The following GRB14 variants were observed in gnomAD, a reference collection of about 807,000 sequenced individuals.
The protein encoded by GRB14 is growth factor receptor bound protein 14.
GRB14 carries 38 observed loss-of-function variants against 69.1 expected under a neutral mutation model. That is an observed-to-expected ratio of 0.55 (90% confidence interval 0.42 to 0.72). The LOEUF (loss-of-function observed/expected upper bound fraction) is 0.72, where lower values mean the gene tolerates loss of function less well. GRB14 is among the 30% of genes least tolerant of loss of function. GRB14 has a pLI of 0.00. For synonymous variants in GRB14, 247 were observed against 241.3 expected, an observed-to-expected ratio of 1.02 and a Z score of -0.22; for missense variants, 666 against 666.1, an observed-to-expected ratio of 1.00 and a Z score of 0.00.
At chr2:164,534,818 T>C (rs956773313) in intron 3 of GRB14, among the ~76,000 whole-genome samples, 1 of 152,184 alleles carries the variant, frequency 6.6e-6, no homozygotes, top group African/African-American at 2.4e-5. Context: ...CAGGTACTTT[T>C]TGAATTACCA....
Position 164,547,795 on chromosome 2 carries a change from C to T in GRB14, c.346G>A (p.Asp116Asn), listed in dbSNP as rs777063188. Reference protein sequence around the residue: ...KKQVIKVYSEDETSRALDVPS... With the variant: ...KKQVIKVYSENETSRALDVPS... ...ACATCTAAAGCCCTGCTGGTTTCAT[C>T]TTCACTGTATACTTTAATCACCTGT... The change falls in exon 3 of 14, where the codon GAT becomes AAT. Residue 116 changes from aspartate to asparagine, a missense_variant. Transcript: ENST00000263915. 4 of 1,613,150 alleles carry T rather than the reference C, an allele frequency of 2.5e-6. No homozygotes were observed. In the South Asian group the frequency reaches 4.4e-5, roughly 18 times the overall value.
chr2:164,608,237 C>T (rs548799318), intron 2 of GRB14, among the ~76,000 whole-genome samples: 11 of 151,814 alleles, frequency 7.2e-5, no homozygotes, highest in Admixed American at 3.9e-4. Context: ...CCAGGTGTGG[C>T]GGCGAGTGCC....
chr2:164,596,970 T>C lies in GRB14; in HGVS notation c.324+22717A>G, dbSNP rs183605403. Among the ~76,000 whole-genome samples, 86 of 152,338 alleles carry C rather than the reference T, an allele frequency of 5.6e-4. 1 individual carries two copies. The East Asian group carries it at 0.016, about 28-fold the overall frequency. On this transcript the variant is annotated intron_variant, in intron 2 of 13. Coordinates refer to ENST00000263915, the MANE Select transcript of GRB14 (RefSeq NM_004490.3). ...CTTGAAATAATCTACAAAACCTTCATTTATTTAATCTAACTCTAAGGAACG... is the reference window on the plus strand; with the variant it reads ...CTTGAAATAATCTACAAAACCTTCACTTATTTAATCTAACTCTAAGGAACG...
At chr2:164,616,470 C>CTCAT (rs1690300673) in intron 2 of GRB14, among the ~76,000 whole-genome samples, 1 of 147,682 alleles carries the variant, frequency 6.8e-6, no homozygotes, top group Admixed American at 6.8e-5. Flanking sequence ...TTCTCTCTCA[C>CTCAT]TCTAGCTTTC....
rs569797579 is a variant in GRB14, at chr2:164,494,763, ATTGT to A, written c.1383-243_1383-240del. 3.1e-3 allele frequency among the ~76,000 whole-genome samples: 471 copies of A among 152,292 alleles called. 3 individuals carry two copies. Among genetic ancestry groups the A allele is most frequent in the African/African-American group, 0.01 (426 of 41,554 alleles). On this transcript the variant is annotated intron_variant, in intron 12 of 13. Coordinates refer to ENST00000263915, the MANE Select transcript of GRB14 (RefSeq NM_004490.3). ...GCTAAATACACAACCCATTAGTCAG[ATTGT>A]TTGTTTGATCACAATAAACAATACA...
chr2:164,555,513 G>A (rs1040126127), intron 2 of GRB14, among the ~76,000 whole-genome samples: 1 of 151,926 alleles, frequency 6.6e-6, no homozygotes, highest in Non-Finnish European at 1.5e-5. Flanking sequence ...TTTGGGCATA[G>A]TTATCTATGG....
chr2:164,615,011 C>CA (rs1188601433), intron 2 of GRB14, among the ~76,000 whole-genome samples: 7 of 151,748 alleles, frequency 4.6e-5, no homozygotes, highest in Non-Finnish European at 1.0e-4. Context: ...CTGAGACATA[C>CA]AAAAAAAGGC....
chr2:164,524,951 A>G lies in GRB14; in HGVS notation c.678+53T>C, dbSNP rs572560786. 1.7e-5 allele frequency: 17 copies of G among 982,700 alleles called. No individual in the cohort carries two copies. In the East Asian group the frequency reaches 4.5e-4, roughly 26 times the overall value. 60.9% of individuals were successfully genotyped at this position (982,700 alleles called of 1,614,324 possible). Reference sequence around the variant, plus strand: ...GGGCATGTATAAAAAAGGACTTAAAAGTTTTCCTTCATTATGCTATTATTT... The same window carrying G: ...GGGCATGTATAAAAAAGGACTTAAAGGTTTTCCTTCATTATGCTATTATTT... On this transcript the variant is annotated intron_variant, in intron 5 of 13. Transcript: ENST00000263915.
chr2:164,575,269 T>A (rs554021973), intron 2 of GRB14, among the ~76,000 whole-genome samples: 1 of 152,328 alleles, frequency 6.6e-6, no homozygotes, highest in South Asian at 2.1e-4. Flanking sequence ...ATTTTGAACA[T>A]ATTACAAATA....
At chr2:164,503,233 G>T (rs1354864506) in intron 8 of GRB14, among the ~76,000 whole-genome samples, 3 of 147,014 alleles carry the variant, frequency 2.0e-5, no homozygotes, top group African/African-American at 7.5e-5. Context: ...TTTTCCCCTA[G>T]ATTCTGCAAT....
chr2:164,522,061 T>C lies in GRB14; in HGVS notation c.735A>G (p.Glu245=). ...PEIHGFLHAK[E]QGKKSWKKIY... ...TTTTTTTCCAAGACTTCTTTCCCTG[T>C]TCTTTCGCATGTAAGAAACCATGAA... The change falls in exon 6 of 14, where the codon GAA becomes GAG. Residue 245 remains glutamate, a synonymous_variant. Coordinates refer to ENST00000263915, the MANE Select transcript of GRB14 (RefSeq NM_004490.3). 6.2e-7 allele frequency: 1 copy of C among 1,603,900 alleles called. No homozygotes were observed. The highest frequency in any genetic ancestry group is 8.5e-7 in the Non-Finnish European group (1 of 1,172,294).
intron 6 of GRB14, among the ~76,000 whole-genome samples, chr2:164,521,647 T>C (rs1288966661): frequency 6.6e-6 from 1 of 151,974 alleles, no homozygotes; most frequent in Non-Finnish European, 1.5e-5. Context: ...CAGTATGACC[T>C]GGGGTAAAAA....
chr2:164,592,995 T>C (rs1298652715), intron 2 of GRB14, among the ~76,000 whole-genome samples: 1 of 152,214 alleles, frequency 6.6e-6, no homozygotes, highest in East Asian at 1.9e-4. Context: ...CCATCCTAAA[T>C]TATGAGTTAA....
At chr2:164,509,808 A>AC (rs1559026117) in intron 6 of GRB14, among the ~76,000 whole-genome samples, 1 of 151,400 alleles carries the variant, frequency 6.6e-6, no homozygotes, top group African/African-American at 2.4e-5. Flanking sequence ...AAAAAAAAAA[A>AC]AAAAACACCC....
chr2:164,549,271 T>C (rs1459578803), intron 2 of GRB14, among the ~76,000 whole-genome samples: 1 of 152,236 alleles, frequency 6.6e-6, no homozygotes, highest in Non-Finnish European at 1.5e-5. Flanking sequence ...TATAATTACA[T>C]GTGGTTTGCA....
intron 2 of GRB14, among the ~76,000 whole-genome samples, chr2:164,617,923 T>C (rs1690338857): frequency 7.1e-6 from 1 of 140,292 alleles, no homozygotes; most frequent in South Asian, 2.6e-4. Context: ...TTTCCTTTTC[T>C]TACTCTGGCT....
intron 2 of GRB14, among the ~76,000 whole-genome samples, chr2:164,582,830 A>G (rs764741690): frequency 2.0e-4 from 30 of 152,220 alleles, no homozygotes; most frequent in Non-Finnish European, 4.1e-4. Context: ...TAAGAGGAGA[A>G]CACAGAAGTT....
chr2:164,610,384 A>T lies in GRB14; in HGVS notation c.324+9303T>A, dbSNP rs187596188. 2.0e-3 allele frequency among the ~76,000 whole-genome samples: 297 copies of T among 152,296 alleles called. 1 individual carries two copies. The highest frequency in any genetic ancestry group is 6.8e-3 in the Middle Eastern group (2 of 294). On this transcript the variant is annotated intron_variant, in intron 2 of 13. Coordinates refer to ENST00000263915, the MANE Select transcript of GRB14 (RefSeq NM_004490.3). ...GGGCACTCACTTATAATTATACTATATAAAAAATAATGTATAAAATCAGAA... is the reference window on the plus strand; with the variant it reads ...GGGCACTCACTTATAATTATACTATTTAAAAAATAATGTATAAAATCAGAA...
chr2:164,605,725 T>C (rs1003674508), intron 2 of GRB14, among the ~76,000 whole-genome samples: 44 of 152,366 alleles, frequency 2.9e-4, no homozygotes, highest in African/African-American at 1.0e-3. Context: ...TTGAGAGCTA[T>C]TTCCTGCCAA....
Sources: allele counts gnomAD v4.1 joint callset (sites outside exome capture counted in the v4.1 genomes callset), GRCh38; gene constraint gnomAD v4.1.1; transcripts MANE v1.5; gene names NCBI Gene and HGNC (gene_info 2026-07-23, HGNC 2026-07-21).